OSBPL1A: variants seen among roughly 807,000 people sequenced by gnomAD.
OSBPL1A encodes oxysterol-binding protein-related protein 1.
OSBPL1A carries 80 observed loss-of-function variants against 137.1 expected under a neutral mutation model. The observed-to-expected ratio is 0.58, with a 90% CI of 0.49 to 0.70. The LOEUF (loss-of-function observed/expected upper bound fraction) is 0.70. Ranked by LOEUF, OSBPL1A falls within the 30% of genes least tolerant of loss-of-function variation. The pLI, the probability that OSBPL1A is intolerant of heterozygous loss-of-function variation, is 0.00. For missense variants in OSBPL1A, 970 were observed against 1,129.4 expected (o/e 0.86, Z 2.02); for synonymous variants, 365 against 389.7 (o/e 0.94, Z 0.75).
At position 24,271,656 on chromosome 18, in the gene OSBPL1A, C is replaced by G. The variant is rs1015776412; in HGVS notation, c.1281+9186G>C. On this transcript the variant is annotated intron_variant, in intron 15 of 27. Coordinates refer to ENST00000319481, the MANE Select transcript of OSBPL1A (RefSeq NM_080597.4). This position sits in a 1 kb window ranked among gnomAD's most constrained non-coding sequence, Gnocchi z 4.0. ...ATCCGAGGACCCCGGCTGGCGCGCT[C>G]CACCCTGCGCTCCTCGCAAGCTCCA... The G allele has an allele frequency of 1.5e-4, 148 of 985,786 alleles. No homozygotes were observed. The highest frequency in any genetic ancestry group is 9.9e-4 in the African/African-American group (57 of 57,388). 61.1% of individuals were successfully genotyped at this position (985,786 alleles called of 1,614,324 possible).
At position 24,271,896 on chromosome 18, in the gene OSBPL1A, C is replaced by G; in HGVS notation, c.1281+8946G>C. 1.0e-6 allele frequency: 1 copy of G among 984,544 alleles called. No individual in the cohort carries two copies. The highest frequency in any genetic ancestry group is 1.2e-6 in the Non-Finnish European group (1 of 829,696). 61.0% of individuals were successfully genotyped at this position (984,544 alleles called of 1,614,324 possible). On this transcript the variant is annotated intron_variant, in intron 15 of 27. Coordinates refer to ENST00000319481, the MANE Select transcript of OSBPL1A (RefSeq NM_080597.4). This position sits in a 1 kb window ranked among gnomAD's most constrained non-coding sequence, Gnocchi z 4.0. ...CGGCCCAGGACTCCCGCGCCGCGCC[C>G]GCCCGGGCCGCAGAGGTCTGCGCTG... is the stretch of plus-strand genomic sequence containing the variant.
At chr18:24,207,364 G>A (rs1417020719) in intron 17 of OSBPL1A, among the ~76,000 whole-genome samples, 7 of 152,334 alleles carry the variant, frequency 4.6e-5, no homozygotes, top group Admixed American at 1.3e-4. Flanking sequence ...GATTACAGGC[G>A]TAAGCCACTG....
chr18:24,394,960 A>C (rs187818491), intron 1 of OSBPL1A, among the ~76,000 whole-genome samples: 8 of 152,376 alleles, frequency 5.3e-5, no homozygotes, highest in Admixed American at 5.2e-4. Context: ...TAATACTGAC[A>C]GTACCAACAC....
At chr18:24,332,385 CAA>C (rs71163675) in intron 7 of OSBPL1A, among the ~76,000 whole-genome samples, 40 of 53,042 alleles carry the variant, frequency 7.5e-4, no homozygotes, top group African/African-American at 2.2e-3. Context: ...GACTCTGTCT[CAA>C]AAAAAAAAAA....
At chr18:24,330,917 C>G (rs1317967211) in intron 7 of OSBPL1A, among the ~76,000 whole-genome samples, 2 of 152,138 alleles carry the variant, frequency 1.3e-5, no homozygotes, top group Non-Finnish European at 2.9e-5. Flanking sequence ...GCTTCAGCCT[C>G]CCGAGTAGCT....
At chr18:24,297,416 C>A (rs2090312030) in intron 14 of OSBPL1A, among the ~76,000 whole-genome samples, 1 of 152,048 alleles carries the variant, frequency 6.6e-6, no homozygotes, top group Non-Finnish European at 1.5e-5. Flanking sequence ...AATGGTCTAT[C>A]AATTTTGTTT....
At chr18:24,376,110 A>AG (rs1482190899) in intron 2 of OSBPL1A, among the ~76,000 whole-genome samples, 6 of 152,176 alleles carry the variant, frequency 3.9e-5, no homozygotes, top group African/African-American at 1.4e-4. Flanking sequence ...ACAGTGTGGA[A>AG]GGGGACTCCA....
chr18:24,302,238 A>G (rs375357311), intron 14 of OSBPL1A, among the ~76,000 whole-genome samples: 134 of 110,184 alleles, frequency 1.2e-3, no homozygotes, highest in South Asian at 7.9e-3. Flanking sequence ...CATCTCAAGA[A>G]AAAAAAAAAA....
intron 24 of OSBPL1A, among the ~76,000 whole-genome samples, chr18:24,168,188 A>G (rs1010540858): frequency 6.6e-6 from 1 of 151,742 alleles, no homozygotes; most frequent in East Asian, 1.9e-4. Flanking sequence ...GTAACCTCAA[A>G]CTCCTGGGTT....
chr18:24,341,577 G>A lies in OSBPL1A; in HGVS notation c.364C>T (p.His122Tyr). The A allele has an allele frequency of 6.2e-7, 1 of 1,612,902 alleles. No individual in the cohort carries two copies. Among genetic ancestry groups the A allele is most frequent in the Non-Finnish European group, 8.5e-7 (1 of 1,179,286 alleles). ...GSGQTAKEVTHAEEIRSMLEA... is the reference protein window; with the variant it reads ...GSGQTAKEVTYAEEIRSMLEA... ...AGCATGCTTCTGATTTCTTCAGCAT[G>A]AGTAACTTCTTTTGCTGTCTGTCCA... Residue 122 changes from histidine (H) to tyrosine (Y), a missense_variant, in exon 5 of 28, where the codon CAT (histidine) becomes TAT (tyrosine). His to Tyr is a moderately conservative substitution (Grantham distance 83). Transcript: ENST00000319481.
intron 2 of OSBPL1A, among the ~76,000 whole-genome samples, chr18:24,375,314 CAAAAAAAA>C (rs61252568): frequency 1.7e-4 from 7 of 41,720 alleles, no homozygotes; most frequent in African/African-American, 5.2e-4. Context: ...AACCCTGTCT[CAAAAAAAA>C]AAAAAAAAAA....
intron 4 of OSBPL1A, among the ~76,000 whole-genome samples, chr18:24,359,742 A>G (rs892928841): frequency 9.2e-5 from 14 of 152,188 alleles, no homozygotes; most frequent in African/African-American, 3.4e-4. Context: ...GGTCAGTGCA[A>G]CAATCCAAAT....
intron 4 of OSBPL1A, among the ~76,000 whole-genome samples, chr18:24,360,318 C>T (rs1264660365): frequency 6.6e-6 from 1 of 152,126 alleles, no homozygotes; most frequent in African/African-American, 2.4e-5. Flanking sequence ...GTTTAAAGTG[C>T]TTTATAATAA....
chr18:24,372,568 C>G (rs1383798647), intron 2 of OSBPL1A, among the ~76,000 whole-genome samples: 1 of 152,182 alleles, frequency 6.6e-6, no homozygotes, highest in East Asian at 1.9e-4. Flanking sequence ...CAGCACCTTC[C>G]TGCTTTCTCC....
intron 14 of OSBPL1A, among the ~76,000 whole-genome samples, chr18:24,303,249 C>T (rs2090437571): frequency 1.3e-5 from 2 of 152,182 alleles, no homozygotes; most frequent in Admixed American, 1.3e-4. Context: ...GATCCACATG[C>T]CTTGGCCTCA....
intron 1 of OSBPL1A, among the ~76,000 whole-genome samples, chr18:24,380,476 CCA>C (rs1003602754): frequency 6.6e-6 from 1 of 152,154 alleles, no homozygotes; most frequent in African/African-American, 2.4e-5. Context: ...CTCCTTTCAC[CCA>C]CACCTCAGAA....
At chr18:24,323,818 C>G (rs1285265826) in intron 7 of OSBPL1A, among the ~76,000 whole-genome samples, 1 of 33,272 alleles carries the variant, frequency 3.0e-5, no homozygotes, top group Non-Finnish European at 5.6e-5. Flanking sequence ...TTTGTTCTTG[C>G]GATAGTTTAC....
chr18:24,244,391 G>A (rs1418363417), intron 15 of OSBPL1A, among the ~76,000 whole-genome samples: 1 of 152,110 alleles, frequency 6.6e-6, no homozygotes, highest in Non-Finnish European at 1.5e-5. Flanking sequence ...AATTGTATAT[G>A]TGTTTATACA....
chr18:24,308,156 C>T (rs1460679925), intron 13 of OSBPL1A, among the ~76,000 whole-genome samples: 4 of 150,348 alleles, frequency 2.7e-5, no homozygotes, highest in Non-Finnish European at 5.9e-5. Flanking sequence ...CACTCTGTCG[C>T]CCAGGCTGGA....
Sources: gnomAD v4.1 joint callset for allele counts (sites outside exome capture counted in the v4.1 genomes callset) on GRCh38, gnomAD v4.1.1 for gene constraint, Gnocchi (gnomAD v3.1) non-coding constraint, MANE v1.5 for transcripts, NCBI Gene and HGNC (gene_info 2026-07-23, HGNC 2026-07-21) for gene names.